Variants in INO80E observed in about 807,000 individuals in gnomAD.
The protein encoded by INO80E is coiled-coil domain containing 95.
INO80E carries 20 observed loss-of-function variants against 27.3 expected under a neutral mutation model. The observed-to-expected ratio is 0.73, with a 90% confidence interval of 0.51 to 1.06. The LOEUF (loss-of-function observed/expected upper bound fraction) is 1.06, where lower values mean the gene tolerates loss of function less well. Among genes scored for constraint, INO80E ranks in the 50% least tolerant of loss-of-function variants. INO80E has a pLI of 0.00. For synonymous variants in INO80E, 167 were observed against 145.9 expected, an observed-to-expected ratio of 1.14 and a Z score of -1.04; for missense variants, 357 against 322.8, an observed-to-expected ratio of 1.11 and a Z score of -0.81.
In INO80E at chr16:30,005,234, C is replaced by T; in HGVS notation, c.527C>T (p.Pro176Leu). 1 of 1,448,000 alleles carries T rather than the reference C, an allele frequency of 6.9e-7. No homozygotes were observed. The highest frequency in any genetic ancestry group is 9.0e-7 in the Non-Finnish European group (1 of 1,105,064). The allele number at this position is 1,448,000 out of a possible 1,614,324, so 89.7% of individuals were successfully genotyped here. Residue 176 changes from proline (P) to leucine (L), a missense_variant, in exon 7 of 7, where the codon CCC becomes CTC. Transcript: ENST00000563197. ...LPRKLKMAVG[P>L]PDCPVGGPLT... ...CCCCTGCTGCAGATGGCGGTGGGAC[C>T]CCCCGACTGCCCTGTGGGAGGGCCG...
At position 30,001,461 on chromosome 16, in the gene INO80E, G is replaced by A; in HGVS notation, c.444G>A (p.Leu148=). The change falls in exon 6 of 7, where the codon CTG becomes CTA. Residue 148 remains leucine, a synonymous_variant. Transcript: ENST00000563197. ...YPPFPSDYLA[L]QLPEPSPLRP... is the part of the protein sequence containing the mutation. ...CATTCCCTTCTGACTACCTGGCCCT[G>A]CAGCTGCCCGAGCCCAGTCCCCTGA... 6.2e-7 allele frequency: 1 copy of A among 1,612,752 alleles called. No homozygotes were observed. Among genetic ancestry groups the A allele is most frequent in the South Asian group, 1.1e-5 (1 of 90,858 alleles).
intron 5 of INO80E, 24 bp from the exon 6 acceptor site, chr16:30,001,390 C>G: frequency 1.3e-6 from 2 of 1,565,954 alleles, no homozygotes; most frequent in Non-Finnish European, 1.7e-6. Context: ...CGCCTCCCAT[C>G]TCCATCCCCG....
rs1596679746 is a variant in INO80E, at chr16:30,003,213, A to C, written c.513+1683A>C. The C allele has an allele frequency of 6.6e-6, 1 of 152,274 alleles. No homozygotes were observed. Among genetic ancestry groups the C allele is most frequent in the South Asian group, 2.1e-4 (1 of 4,832 alleles). The allele number at this position is 152,274 out of a possible 1,614,324, so 9.4% of individuals were successfully genotyped here. ...TCCATGGCTGTCGGGGGAGGTGGGG[A>C]GAAGCCAGGAAAGGCCTCAGCAAGG... On this transcript the variant is annotated intron_variant, in intron 6 of 6. Transcript: ENST00000563197. The surrounding 1 kb of genome is among the most constrained non-coding windows in gnomAD (Gnocchi z 4.4).
intron 3 of INO80E, among the ~76,000 whole-genome samples, chr16:29,998,551 A>G (rs190611893): frequency 1.2e-4 from 19 of 152,382 alleles, no homozygotes; most frequent in Admixed American, 1.2e-3. Flanking sequence ...ACTGTATCCA[A>G]TTCATCCTGA....
chr16:30,004,557 CTG>C (rs1379108588), intron 6 of INO80E: 1 of 154,036 alleles, frequency 6.5e-6, no homozygotes, highest in Non-Finnish European at 1.5e-5. Flanking sequence ...GCGCTCAGGT[CTG>C]TGTTTTAGAG....
Position 30,005,399 on chromosome 16 carries a change from C to A in INO80E, c.692C>A (p.Ala231Asp). 1 of 1,563,950 alleles carries A rather than the reference C, an allele frequency of 6.4e-7. No individual in the cohort carries two copies. ...MFSDAGSGDD[A>D]LDGDDDLVID... ...AGCGATGCAGGTAGCGGGGACGATG[C>A]CTTGGATGGAGACGATGACCTGGTG... is the stretch of plus-strand genomic sequence containing the variant. The change falls in exon 7 of 7, where the codon GCC becomes GAC. Residue 231 changes from alanine (A) to aspartate (D), a missense_variant. Physicochemically the swap from Ala to Asp is moderately radical, Grantham distance 126 (BLOSUM62 -2). Coordinates refer to ENST00000563197, the MANE Select transcript of INO80E (RefSeq NM_173618.3).
chr16:29,999,021 G>A (rs2070245507), intron 3 of INO80E, among the ~76,000 whole-genome samples: 1 of 151,892 alleles, frequency 6.6e-6, no homozygotes, highest in South Asian at 2.1e-4. Flanking sequence ...CTCCAGCCTG[G>A]GCAACAGAGC....
chr16:30,000,819 C>T lies in INO80E; in HGVS notation c.267C>T (p.Asp89=), dbSNP rs774194906. ...SETEGTPKLS[D]TPAPKRKRSP... ...CGGAGGGGACACCCAAGTTGTCTGACACACCGGCCCCTAAGAGGTGAGAAG... is the reference window on the plus strand; with the variant it reads ...CGGAGGGGACACCCAAGTTGTCTGATACACCGGCCCCTAAGAGGTGAGAAG... Residue 89 remains aspartate, a synonymous_variant, in exon 4 of 7, where the codon GAC becomes GAT. Transcript: ENST00000563197. 1.9e-6 allele frequency: 3 copies of T among 1,614,166 alleles called. No individual in the cohort carries two copies. Among genetic ancestry groups the T allele is most frequent in the Non-Finnish European group, 2.5e-6 (3 of 1,179,970 alleles).
intron 5 of INO80E, 155 bp from the exon 6 acceptor site, chr16:30,001,259 C>G (rs964310636): frequency 6.7e-6 from 10 of 1,490,348 alleles, no homozygotes; most frequent in Admixed American, 4.4e-5. Flanking sequence ...GGACAGCATC[C>G]TGCTGCTGCC....
chr16:29,997,754 CAA>C (rs77565859), intron 3 of INO80E, among the ~76,000 whole-genome samples: 1 of 67,262 alleles, frequency 1.5e-5, no homozygotes. Flanking sequence ...GACTCCGTCT[CAA>C]AAAAAAAAAA....
chr16:29,998,205 G>A (rs1417706383), intron 3 of INO80E, among the ~76,000 whole-genome samples: 1 of 151,832 alleles, frequency 6.6e-6, no homozygotes, highest in Non-Finnish European at 1.5e-5. Flanking sequence ...GCAGAAGAAT[G>A]GCGTGAACCT....
intron 5 of INO80E, 78 bp downstream of exon 5, chr16:30,001,118 A>G: frequency 2.0e-6 from 3 of 1,483,678 alleles, no homozygotes; most frequent in Non-Finnish European, 2.7e-6. Flanking sequence ...GCCTCGGGGC[A>G]AGGCCAGCCC....
In INO80E at chr16:30,005,602, A is replaced by G; in HGVS notation, c.*160A>G. 3 of 720,806 alleles carry G rather than the reference A, an allele frequency of 4.2e-6. No individual in the cohort carries two copies. The allele number at this position is 720,806 out of a possible 1,614,324, so 44.7% of individuals were successfully genotyped here. A position where few individuals can be genotyped will look rare whatever the true frequency, so the allele number is the denominator to read the frequency against. On this transcript the variant is annotated 3_prime_UTR_variant, in exon 7 of 7. Coordinates refer to ENST00000563197, the MANE Select transcript of INO80E (RefSeq NM_173618.3). ...GCGTAAACATGCACGGGTGTCCCCC[A>G]GGAGGGTGGCAGGGGCCCTGCCTTC... is the stretch of plus-strand genomic sequence containing the variant.
At chr16:30,001,296 G>GGAGCC (rs2070342945) in intron 5 of INO80E, 118 bp from the exon 6 acceptor site, 5 of 1,492,744 alleles carry the variant, frequency 3.3e-6, no homozygotes, top group Non-Finnish European at 4.5e-6. Flanking sequence ...GGGAGCCCCG[G>GGAGCC]GAGCCGCACT....
Position 30,005,543 on chromosome 16 carries a change from T to A in INO80E, c.*101T>A. 1 of 1,128,696 alleles carries A rather than the reference T, an allele frequency of 8.9e-7. No homozygotes were observed. The highest frequency in any genetic ancestry group is 1.3e-6 in the Non-Finnish European group (1 of 778,588). 69.9% of individuals were successfully genotyped at this position (1,128,696 alleles called of 1,614,324 possible). ...TCGGAGGTGTTTATTGATGCCCAGC[T>A]GCCATGCTCCGGCCACTGACACAAC... On this transcript the variant is annotated 3_prime_UTR_variant, in exon 7 of 7. Coordinates refer to ENST00000563197, the MANE Select transcript of INO80E (RefSeq NM_173618.3).
At chr16:29,999,987 G>A (rs2070287315) in intron 3 of INO80E, among the ~76,000 whole-genome samples, 1 of 152,122 alleles carries the variant, frequency 6.6e-6, no homozygotes, top group Admixed American at 6.5e-5. Context: ...CTGGTTATGG[G>A]GAGTGGGGCA....
chr16:30,005,081 C>A (rs1320476725), intron 6 of INO80E, 140 bp from the exon 7 acceptor site: 5 of 921,032 alleles, frequency 5.4e-6, no homozygotes, highest in Admixed American at 4.1e-5. Flanking sequence ...GGGGCAGGCC[C>A]TGAGTGCAGC....
At chr16:30,001,612 CAG>C in intron 6 of INO80E, 82 bp downstream of exon 6, 1 of 1,333,244 alleles carries the variant, frequency 7.5e-7, no homozygotes, top group Non-Finnish European at 1.0e-6. Context: ...GGGGGCCTGT[CAG>C]AGAACCATGA....
chr16:29,996,256 G>A lies in INO80E; in HGVS notation c.-55G>A. On this transcript the variant is annotated 5_prime_UTR_variant, in exon 1 of 7. Coordinates refer to ENST00000563197, the MANE Select transcript of INO80E (RefSeq NM_173618.3). ...AAGTGGAGGCGGGAGCGGCACGGCAGCCACTGCTTGGGGTAGCGGGAGGGC... is the reference window on the plus strand; with the variant it reads ...AAGTGGAGGCGGGAGCGGCACGGCAACCACTGCTTGGGGTAGCGGGAGGGC... 2 of 1,511,116 alleles carry A rather than the reference G, an allele frequency of 1.3e-6. No homozygotes were observed. Among genetic ancestry groups the A allele is most frequent in the South Asian group, 2.4e-5 (2 of 83,696 alleles). The allele number at this position is 1,511,116 out of a possible 1,614,324, so 93.6% of individuals were successfully genotyped here.
Sources: gnomAD v4.1 joint callset for allele counts (sites outside exome capture counted in the v4.1 genomes callset) on GRCh38, gnomAD v4.1.1 for gene constraint, Gnocchi (gnomAD v3.1) non-coding constraint, MANE v1.5 for transcripts, NCBI Gene and HGNC (gene_info 2026-07-23, HGNC 2026-07-21) for gene names.